COL13A1: variants seen among roughly 807,000 people sequenced by gnomAD.
The protein encoded by COL13A1 is collagen type XIII alpha 1 chain.
In COL13A1, 89 loss-of-function variants were observed where a neutral mutation model predicts 130.9. The observed-to-expected ratio is 0.68, with a 90% CI of 0.57 to 0.81. The LOEUF (loss-of-function observed/expected upper bound fraction) is 0.81. Among genes scored for constraint, COL13A1 ranks in the 30% least tolerant of loss-of-function variants. COL13A1 has a pLI of 0.00. For synonymous variants in COL13A1, 402 were observed against 341.6 expected, an observed-to-expected ratio of 1.18 and a Z score of -1.95; for missense variants, 879 against 934.6, an observed-to-expected ratio of 0.94 and a Z score of 0.78.
At chr10:69,906,872 A>T (rs2062813830) in intron 17 of COL13A1, among the ~76,000 whole-genome samples, 1 of 152,048 alleles carries the variant, frequency 6.6e-6, no homozygotes. Context: ...CTGGGACTAC[A>T]GGTGCACACC....
At chr10:69,956,754 G>A (rs1453320721) in intron 39 of COL13A1, 10 of 427,728 alleles carry the variant, frequency 2.3e-5, no homozygotes, top group African/African-American at 3.9e-5. Flanking sequence ...CTGGTCCCAC[G>A]GGCTAGGACA....
At chr10:69,932,913 G>A (rs974783929) in intron 31 of COL13A1, among the ~76,000 whole-genome samples, 42 of 152,020 alleles carry the variant, frequency 2.8e-4, no homozygotes, top group Non-Finnish European at 4.7e-4. Flanking sequence ...GAGGCAGGCG[G>A]ATCACCTGAG....
chr10:69,832,384 C>T (rs1849034946), intron 2 of COL13A1, among the ~76,000 whole-genome samples: 1 of 152,178 alleles, frequency 6.6e-6, no homozygotes, highest in South Asian at 2.1e-4. Context: ...AGCCACCTAC[C>T]CTCTCTGAAT....
intron 39 of COL13A1, chr10:69,956,802 T>C: frequency 1.7e-6 from 1 of 581,614 alleles, no homozygotes; most frequent in South Asian, 1.9e-5. Context: ...CATGTGACCT[T>C]TAACCAATGG....
intron 2 of COL13A1, among the ~76,000 whole-genome samples, chr10:69,866,202 T>G (rs769717703): frequency 6.6e-6 from 1 of 152,240 alleles, no homozygotes; most frequent in African/African-American, 2.4e-5. Context: ...TGGTGACACC[T>G]ATGCAGCCGA....
chr10:69,875,045 G>A, intron 4 of COL13A1, 83 bp from the exon 5 acceptor site: 3 of 1,560,972 alleles, frequency 1.9e-6, no homozygotes, highest in East Asian at 4.5e-5. Context: ...CCCTAAATCA[G>A]GTGCACAGTT....
intron 36 of COL13A1, among the ~76,000 whole-genome samples, chr10:69,944,655 T>A: frequency 7.8e-6 from 1 of 128,942 alleles, no homozygotes. Flanking sequence ...CAAGACCTTA[T>A]CTCTATAAAA....
chr10:69,918,203 G>T (rs1024750276), intron 18 of COL13A1, 82 bp from the exon 19 acceptor site: 3 of 1,255,304 alleles, frequency 2.4e-6, no homozygotes, highest in Admixed American at 3.9e-5. Flanking sequence ...CACACCATGG[G>T]GAGGCTGTCC....
At chr10:69,870,889 G>A (rs1395600569) in intron 3 of COL13A1, among the ~76,000 whole-genome samples, 1 of 152,038 alleles carries the variant, frequency 6.6e-6, no homozygotes, top group Non-Finnish European at 1.5e-5. Context: ...AGTGAGGTAG[G>A]AGCACGCCTG....
chr10:69,849,812 G>T (rs1412403874), intron 2 of COL13A1, among the ~76,000 whole-genome samples: 1 of 152,148 alleles, frequency 6.6e-6, no homozygotes, highest in Non-Finnish European at 1.5e-5. Context: ...CTCCCCACCC[G>T]GTGTGGCCTG....
chr10:69,894,727 G>A, intron 12 of COL13A1, 26 bp downstream of exon 12: 1 of 1,613,700 alleles, frequency 6.2e-7, no homozygotes. Context: ...GTTTCCTAGA[G>A]TCTCCATCTC....
At chr10:69,889,987 T>C (rs1225901832) in intron 10 of COL13A1, among the ~76,000 whole-genome samples, 2 of 151,964 alleles carry the variant, frequency 1.3e-5, no homozygotes, top group East Asian at 3.9e-4. Flanking sequence ...TCCTGGGAGT[T>C]TCTGTTTGGA....
chr10:69,888,155 T>C (rs1237452030), intron 8 of COL13A1, 149 bp from the exon 9 acceptor site: 41 of 812,094 alleles, frequency 5.0e-5, no homozygotes, highest in East Asian at 1.1e-4. Context: ...GGCTTACCCA[T>C]AGTCACATTA....
rs775490807 is a variant in COL13A1 at position 69,959,009 on chromosome 10, A to T, written c.*308A>T. On this transcript the variant is annotated 3_prime_UTR_variant, in exon 41 of 41. Coordinates refer to ENST00000645393, the MANE Select transcript of COL13A1 (RefSeq NM_001368882.1). The stretch of plus-strand genomic sequence containing the variant: ...GTCCTGGTGCCAAAGGGGGCCAGCC[A>T]GAACTGAGGTGCTGGCTAGCTCATG... The T allele has an allele frequency of 9.1e-5, 33 of 361,160 alleles. No homozygotes were observed. The highest frequency in any genetic ancestry group is 1.5e-4 in the Non-Finnish European group (30 of 199,186). The allele number at this position is 361,160 out of a possible 1,614,324, so 22.4% of individuals were successfully genotyped here.
At chr10:69,911,231 T>A (rs904080356) in intron 17 of COL13A1, among the ~76,000 whole-genome samples, 3 of 151,508 alleles carry the variant, frequency 2.0e-5, no homozygotes, top group Non-Finnish European at 4.4e-5. Flanking sequence ...CCAAAGGGCA[T>A]GAGGATTCTG....
At chr10:69,926,277 GT>G (rs1268148808) in intron 26 of COL13A1, among the ~76,000 whole-genome samples, 1 of 152,234 alleles carries the variant, frequency 6.6e-6, no homozygotes, top group Non-Finnish European at 1.5e-5. Flanking sequence ...TTTCGTGTCA[GT>G]TTAACCCTGT....
intron 1 of COL13A1, among the ~76,000 whole-genome samples, chr10:69,814,179 G>T (rs12769085): frequency 0.16 from 23,713 of 152,170 alleles, 1,920 homozygotes; most frequent in Admixed American, 0.25. Flanking sequence ...TGGCACAGGG[G>T]CCGGAGCTTC....
intron 1 of COL13A1, among the ~76,000 whole-genome samples, chr10:69,819,168 G>A (rs764871062): frequency 7.1e-4 from 108 of 152,218 alleles, no homozygotes; most frequent in Non-Finnish European, 1.4e-3. Flanking sequence ...TAAGCCCTCT[G>A]GGGTTTACTT....
intron 23 of COL13A1, 136 bp downstream of exon 23, chr10:69,922,930 A>G (rs925734401): frequency 1.6e-5 from 9 of 574,624 alleles, no homozygotes; most frequent in Non-Finnish European, 2.1e-5. Context: ...GGTTTTCCCC[A>G]TGGATTCCAA....
Sources: allele counts gnomAD v4.1 joint callset (sites outside exome capture counted in the v4.1 genomes callset), GRCh38; gene constraint gnomAD v4.1.1; transcripts MANE v1.5; gene names NCBI Gene and HGNC (gene_info 2026-07-23, HGNC 2026-07-21).